DCC: variants seen among roughly 807,000 people sequenced by gnomAD.
The protein encoded by DCC is netrin receptor DCC.
A neutral mutation model predicts 172.5 loss-of-function variants in DCC; 58 were observed. The ratio of observed to expected loss-of-function variants is 0.34; its 90% CI spans 0.27 to 0.42. The LOEUF (loss-of-function observed/expected upper bound fraction) is 0.42, where lower values mean the gene tolerates loss of function less well. Among genes scored for constraint, DCC ranks in the 10% least tolerant of loss-of-function variants. The probability of loss-of-function intolerance (pLI) is 1.00; values close to 1 mark genes in which losing one functional copy is unlikely to be tolerated. For missense variants in DCC, 1,740 were observed against 1,791.0 expected (o/e 0.97, Z 0.51); for synonymous variants, 709 against 644.5 (o/e 1.10, Z -1.52).
At chr18:53,102,919 C>A (rs529506194) in intron 7 of DCC, among the ~76,000 whole-genome samples, 13 of 152,130 alleles carry the variant, frequency 8.5e-5, no homozygotes, top group African/African-American at 2.9e-4. Context: ...TCACCGATTG[C>A]CTGGATTATT....
intron 21 of DCC, among the ~76,000 whole-genome samples, chr18:53,417,975 CT>C (rs1910419041): frequency 6.6e-6 from 1 of 152,132 alleles, no homozygotes; most frequent in South Asian, 2.1e-4. Context: ...AGTCTCACAT[CT>C]ACAATAAATC....
At chr18:52,738,700 T>A (rs1408045896) in intron 1 of DCC, among the ~76,000 whole-genome samples, 1 of 130,350 alleles carries the variant, frequency 7.7e-6, no homozygotes, top group East Asian at 1.9e-4. Context: ...TTACTGTAAC[T>A]TTTTTTTACT....
Position 52,936,226 on chromosome 18 carries a change from G to A in DCC, c.985+10856G>A, listed in dbSNP as rs183901548. 3.5e-5 allele frequency among the ~76,000 whole-genome samples: 2 copies of A among 57,256 alleles called. 1 individual carries two copies. Among genetic ancestry groups the A allele is most frequent in the Non-Finnish European group, 1.1e-4 (2 of 19,038 alleles). 37.6% of individuals were successfully genotyped at this position (57,256 alleles called of 152,430 possible). A position where few individuals can be genotyped will look rare whatever the true frequency, so the allele number is the denominator to read the frequency against. On this transcript the variant is annotated intron_variant, in intron 5 of 28. Transcript: ENST00000442544. ...CAGCTGAAACTCTGGTTGTCAAAAGGTATGCAAAATTAAGTGCAAAATATG... is the reference window on the plus strand; with the variant it reads ...CAGCTGAAACTCTGGTTGTCAAAAGATATGCAAAATTAAGTGCAAAATATG...
At chr18:53,371,747 T>C (rs8098039) in intron 15 of DCC, among the ~76,000 whole-genome samples, 1 of 151,780 alleles carries the variant, frequency 6.6e-6, no homozygotes, top group African/African-American at 2.4e-5. Context: ...TCAACTATTT[T>C]ATAATTATAA....
intron 1 of DCC, among the ~76,000 whole-genome samples, chr18:52,587,076 G>A (rs973078383): frequency 2.0e-5 from 3 of 152,204 alleles, no homozygotes; most frequent in African/African-American, 4.8e-5. Flanking sequence ...TAGTAAGTGT[G>A]TATTCCAGTG....
At chr18:53,480,331 G>C (rs1367602318) in intron 25 of DCC, among the ~76,000 whole-genome samples, 1 of 152,144 alleles carries the variant, frequency 6.6e-6, no homozygotes, top group Non-Finnish European at 1.5e-5. Flanking sequence ...TGGAAAGCGT[G>C]TATAAACCAC....
In DCC at chr18:52,968,140, A is replaced by C. The variant is rs138735130; in HGVS notation, c.985+42770A>C. Among the ~76,000 whole-genome samples, 1,316 of 152,248 alleles carry C rather than the reference A, an allele frequency of 8.6e-3. 14 individuals carry two copies. The highest frequency in any genetic ancestry group is 0.017 in the Middle Eastern group (5 of 292). On this transcript the variant is annotated intron_variant, in intron 5 of 28. Transcript: ENST00000442544. ...TTGGTATTACGAAATTTAATAACGC[A>C]AAGTTCCATCCTCCAGCTACCCTCT...
chr18:53,078,534 G>T (rs978263845), intron 7 of DCC, among the ~76,000 whole-genome samples: 15 of 152,044 alleles, frequency 9.9e-5, no homozygotes, highest in African/African-American at 3.6e-4. Context: ...GTATTGAAAA[G>T]CTCCTTCACT....
intron 1 of DCC, among the ~76,000 whole-genome samples, chr18:52,662,569 G>GGGAA (rs34385838): frequency 6.1e-5 from 7 of 115,442 alleles, no homozygotes; most frequent in Admixed American, 1.9e-4. Flanking sequence ...GAGGGAGGGA[G>GGGAA]GGAAGGAAGG....
chr18:53,468,600 C>A (rs1162891170), intron 25 of DCC, among the ~76,000 whole-genome samples: 3 of 152,030 alleles, frequency 2.0e-5, no homozygotes, highest in Non-Finnish European at 4.4e-5. Context: ...CCAGGCTGGT[C>A]TCTAGCTCCT....
chr18:53,136,213 A>ATCTATCTATCTATCTATCTATC (rs1488952479), intron 7 of DCC, among the ~76,000 whole-genome samples: 6 of 73,864 alleles, frequency 8.1e-5, no homozygotes, highest in Non-Finnish European at 1.5e-4. Context: ...ATCTATCTAT[A>ATCTATCTATCTATCTATCTATC]TATATATACA....
At chr18:53,513,354 A>T (rs1435207735) in intron 27 of DCC, among the ~76,000 whole-genome samples, 1 of 152,220 alleles carries the variant, frequency 6.6e-6, no homozygotes, top group Non-Finnish European at 1.5e-5. Flanking sequence ...GCCGCTGCAA[A>T]ATTATGCCAA....
chr18:53,216,319 A>G (rs997754771), intron 12 of DCC, among the ~76,000 whole-genome samples: 1 of 152,304 alleles, frequency 6.6e-6, no homozygotes, highest in Non-Finnish European at 1.5e-5. Context: ...CCTGGCCACT[A>G]TGCTTGGACC....
intron 2 of DCC, among the ~76,000 whole-genome samples, chr18:52,771,968 A>G (rs1400498716): frequency 6.6e-6 from 1 of 152,044 alleles, no homozygotes; most frequent in Non-Finnish European, 1.5e-5. Context: ...TCTAATATAT[A>G]CCAAAGTTTT....
intron 5 of DCC, among the ~76,000 whole-genome samples, chr18:52,996,341 G>A (rs1396699250): frequency 6.6e-6 from 1 of 151,942 alleles, no homozygotes; most frequent in African/African-American, 2.4e-5. Flanking sequence ...CTGAGGAAAA[G>A]CTACATTAAT....
At chr18:53,098,657 T>G (rs1329810882) in intron 7 of DCC, among the ~76,000 whole-genome samples, 3 of 152,192 alleles carry the variant, frequency 2.0e-5, no homozygotes, top group Non-Finnish European at 4.4e-5. Context: ...CTTAGACATT[T>G]ATTAATATGG....
intron 2 of DCC, among the ~76,000 whole-genome samples, chr18:52,792,276 C>A (rs555228059): frequency 6.6e-6 from 1 of 152,292 alleles, no homozygotes; most frequent in South Asian, 2.1e-4. Flanking sequence ...ACAACATTCC[C>A]AGATCTTTCC....
chr18:53,228,203 AT>A (rs2056065028), intron 12 of DCC, among the ~76,000 whole-genome samples: 1 of 152,146 alleles, frequency 6.6e-6, no homozygotes, highest in African/African-American at 2.4e-5. Flanking sequence ...AATACAGATA[AT>A]TCCCTTGATG....
chr18:52,497,495 T>C (rs1299144835), intron 1 of DCC, among the ~76,000 whole-genome samples: 1 of 139,298 alleles, frequency 7.2e-6, no homozygotes, highest in Non-Finnish European at 1.6e-5. Context: ...CTATGAATGC[T>C]AGTTTTGCTT....
Sources: allele counts gnomAD v4.1 joint callset (sites outside exome capture counted in the v4.1 genomes callset), GRCh38; gene constraint gnomAD v4.1.1; transcripts MANE v1.5; gene names NCBI Gene and HGNC (gene_info 2026-07-23, HGNC 2026-07-21).